Variants in PADI4 observed in about 807,000 individuals in gnomAD.
PADI4 encodes protein-arginine deiminase type-4.
PADI4 carries 62 observed loss-of-function variants against 75.0 expected under a neutral mutation model. The ratio of observed to expected loss-of-function variants is 0.83; its 90% CI spans 0.67 to 1.02. The LOEUF (loss-of-function observed/expected upper bound fraction) is 1.02. Among genes scored for constraint, PADI4 ranks in the 50% least tolerant of loss-of-function variants. PADI4 has a pLI of 0.00. For synonymous variants in PADI4, 361 were observed against 348.1 expected, an observed-to-expected ratio of 1.04 and a Z score of -0.41; for missense variants, 845 against 850.5, an observed-to-expected ratio of 0.99 and a Z score of 0.08.
At chr1:17,325,973 G>A (rs775584921) in intron 1 of PADI4, among the ~76,000 whole-genome samples, 1 of 151,972 alleles carries the variant, frequency 6.6e-6, no homozygotes, top group South Asian at 2.1e-4. Flanking sequence ...CAAAGTTCTA[G>A]GATTACAGGC....
At chr1:17,349,970 T>C (rs926999488) in intron 10 of PADI4, among the ~76,000 whole-genome samples, 1 of 123,440 alleles carries the variant, frequency 8.1e-6, no homozygotes, top group African/African-American at 2.6e-5. Context: ...TGTTCCCTGT[T>C]CACGGGGCTG....
At chr1:17,315,195 C>A (rs1013365081) in intron 1 of PADI4, among the ~76,000 whole-genome samples, 2 of 152,200 alleles carry the variant, frequency 1.3e-5, no homozygotes, top group African/African-American at 4.8e-5. Flanking sequence ...CTTGTCCCAT[C>A]CACCTTTGTC....
At chr1:17,311,847 G>A (rs1233282377) in intron 1 of PADI4, among the ~76,000 whole-genome samples, 1 of 152,112 alleles carries the variant, frequency 6.6e-6, no homozygotes, top group African/African-American at 2.4e-5. Context: ...GAATAGACCA[G>A]TTGGCATGAC....
chr1:17,324,431 TGTC>T (rs977175338), intron 1 of PADI4, among the ~76,000 whole-genome samples: 1 of 152,172 alleles, frequency 6.6e-6, no homozygotes, highest in Non-Finnish European at 1.5e-5. Context: ...ACATTGTGCT[TGTC>T]TTTTTACTTT....
At position 17,330,843 on chromosome 1, in the gene PADI4, G is replaced by A. The variant is rs137952578; in HGVS notation, c.93-126G>A. ...CAGATACACCCAGAAAAAATACTTC[G>A]CATCTTTCAGTCCAAACAAGCTGAC... is the stretch of plus-strand genomic sequence containing the variant. On this transcript the variant is annotated intron_variant, in intron 1 of 15. Transcript: ENST00000375448. The A allele has an allele frequency of 1.6e-3, 980 of 621,086 alleles. 5 individuals are homozygous for A. The highest frequency in any genetic ancestry group is 2.4e-3 in the Non-Finnish European group (880 of 373,552). 38.5% of individuals were successfully genotyped at this position (621,086 alleles called of 1,614,324 possible).
intron 8 of PADI4, among the ~76,000 whole-genome samples, chr1:17,345,171 C>G (rs2074492819): frequency 6.6e-6 from 1 of 152,300 alleles, no homozygotes; most frequent in African/African-American, 2.4e-5. Context: ...ATTTGACTGC[C>G]CTGCTGGATT....
intron 3 of PADI4, 83 bp downstream of exon 3, chr1:17,334,092 C>A (rs892245788): frequency 3.4e-6 from 3 of 883,026 alleles, no homozygotes; most frequent in African/African-American, 3.3e-5. Context: ...GTAGGAGAAA[C>A]TACACCTGGA....
intron 1 of PADI4, among the ~76,000 whole-genome samples, chr1:17,316,271 G>A (rs1261140642): frequency 6.6e-6 from 1 of 151,846 alleles, no homozygotes; most frequent in Non-Finnish European, 1.5e-5. Context: ...GTGCACGTCT[G>A]TAGTCTCAGC....
intron 8 of PADI4, among the ~76,000 whole-genome samples, chr1:17,342,702 C>G (rs767758119): frequency 6.6e-6 from 1 of 152,102 alleles, no homozygotes; most frequent in Non-Finnish European, 1.5e-5. Context: ...GGGCTGGGCA[C>G]GGTGGCTCAC....
intron 10 of PADI4, among the ~76,000 whole-genome samples, chr1:17,354,091 A>T (rs2074716904): frequency 1.3e-5 from 2 of 151,404 alleles, no homozygotes; most frequent in Non-Finnish European, 2.9e-5. Flanking sequence ...AAAAAAAAAA[A>T]ATACAAAAAT....
At chr1:17,314,414 G>C (rs946427630) in intron 1 of PADI4, among the ~76,000 whole-genome samples, 3 of 152,218 alleles carry the variant, frequency 2.0e-5, no homozygotes, top group African/African-American at 7.2e-5. Flanking sequence ...CGGCCAGGTA[G>C]GTGTATCATA....
chr1:17,326,446 T>C (rs970898135), intron 1 of PADI4, among the ~76,000 whole-genome samples: 3 of 152,248 alleles, frequency 2.0e-5, no homozygotes, highest in Non-Finnish European at 1.5e-5. Flanking sequence ...ATTTCCATTA[T>C]TAATTGTCCT....
intron 2 of PADI4, among the ~76,000 whole-genome samples, chr1:17,333,431 T>G (rs556990849): frequency 1.3e-5 from 2 of 152,146 alleles, no homozygotes; most frequent in African/African-American, 4.8e-5. Flanking sequence ...TCCTAGGATT[T>G]CTGAACCTTG....
intron 1 of PADI4, among the ~76,000 whole-genome samples, chr1:17,323,165 C>G (rs2074060158): frequency 1.3e-5 from 2 of 152,208 alleles, no homozygotes; most frequent in Non-Finnish European, 2.9e-5. Context: ...GGCTGGAAGC[C>G]TCCCTCAGTT....
chr1:17,319,942 C>CCTAA lies in PADI4; in HGVS notation c.93-11026_93-11023dup, dbSNP rs538236152. On this transcript the variant is annotated intron_variant, in intron 1 of 15. Coordinates refer to ENST00000375448, the MANE Select transcript of PADI4 (RefSeq NM_012387.3). Reference sequence around the variant, plus strand: ...AAACCTTTCAGCCGAACTTAAAATACCTAAGGAGGCAGCTGTGGGGTAAAC... The same window carrying CCTAA: ...AAACCTTTCAGCCGAACTTAAAATACCTAACTAAGGAGGCAGCTGTGGGGTAAAC... Among the ~76,000 whole-genome samples, 1,025 of 152,322 alleles carry CCTAA rather than the reference C, an allele frequency of 6.7e-3. 7 individuals carry two copies. Among genetic ancestry groups the CCTAA allele is most frequent in the Admixed American group, 0.013 (197 of 15,290 alleles).
intron 15 of PADI4, among the ~76,000 whole-genome samples, chr1:17,362,565 C>T (rs2074861680): frequency 6.6e-6 from 1 of 152,010 alleles, no homozygotes; most frequent in Non-Finnish European, 1.5e-5. Context: ...GAGGTGAGGG[C>T]TGGAAAATTA....
intron 5 of PADI4, among the ~76,000 whole-genome samples, chr1:17,339,029 T>A (rs1008371391): frequency 6.6e-6 from 1 of 152,202 alleles, no homozygotes; most frequent in Non-Finnish European, 1.5e-5. Context: ...GTGTATCACC[T>A]GACTTTATCT....
intron 1 of PADI4, among the ~76,000 whole-genome samples, chr1:17,316,800 G>T (rs576140506): frequency 6.7e-6 from 1 of 149,046 alleles, no homozygotes; most frequent in African/African-American, 2.4e-5. Context: ...CCCCTGCCCC[G>T]CGCCCAGCTT....
intron 1 of PADI4, among the ~76,000 whole-genome samples, chr1:17,315,077 C>T (rs563678582): frequency 6.6e-6 from 1 of 152,320 alleles, no homozygotes; most frequent in South Asian, 2.1e-4. Context: ...ACCACCTGAG[C>T]TGAGGGGACA....
Sources: gnomAD v4.1 joint callset for allele counts (sites outside exome capture counted in the v4.1 genomes callset) on GRCh38, gnomAD v4.1.1 for gene constraint, MANE v1.5 for transcripts, NCBI Gene and HGNC (gene_info 2026-07-23, HGNC 2026-07-21) for gene names.